Variants in YAF2 observed in about 807,000 individuals in gnomAD.
YAF2 encodes YY1-associated factor 2.
A neutral mutation model predicts 20.1 loss-of-function variants in YAF2; 7 were observed. The ratio of observed to expected loss-of-function variants is 0.35; its 90% confidence interval spans 0.20 to 0.65. The LOEUF is 0.65. YAF2 is among the 30% of genes least tolerant of loss of function. The probability of loss-of-function intolerance (pLI) is 0.69; values close to 1 mark genes in which losing one functional copy is unlikely to be tolerated. For synonymous variants in YAF2, 74 were observed against 76.0 expected (o/e 0.97, Z 0.14); for missense variants, 151 against 219.2 (o/e 0.69, Z 1.96).
chr12:42,220,840 C>T (rs760968325), intron 2 of YAF2, among the ~76,000 whole-genome samples: 2 of 152,170 alleles, frequency 1.3e-5, no homozygotes, highest in African/African-American at 2.4e-5. Context: ...TCCAGTCATT[C>T]ACACATTCAC....
At chr12:42,222,883 T>C (rs1048806208) in intron 2 of YAF2, among the ~76,000 whole-genome samples, 1 of 152,076 alleles carries the variant, frequency 6.6e-6, no homozygotes, top group Admixed American at 6.6e-5. Context: ...CTGTAAGTAG[T>C]GGCCATTACT....
intron 2 of YAF2, among the ~76,000 whole-genome samples, chr12:42,165,051 T>C (rs527618500): frequency 1.2e-4 from 18 of 146,936 alleles, no homozygotes; most frequent in African/African-American, 3.8e-4. Context: ...TGAGACCCTG[T>C]CTTCTGGAAC....
chr12:42,179,697 T>C (rs780717643), intron 2 of YAF2, among the ~76,000 whole-genome samples: 14 of 150,006 alleles, frequency 9.3e-5, no homozygotes, highest in Non-Finnish European at 2.1e-4. Context: ...GGTGGGAGAA[T>C]TGCTTGAGCC....
Position 42,187,541 on chromosome 12 carries a change from T to G in YAF2, c.153-25776A>C, listed in dbSNP as rs75774725. Reference sequence around the variant, plus strand: ...TTTGTGTTCCAAGAATACTAAAGATTGAGATACAATGGCATAACGTTTAAG... The same window carrying G: ...TTTGTGTTCCAAGAATACTAAAGATGGAGATACAATGGCATAACGTTTAAG... On this transcript the variant is annotated intron_variant, in intron 2 of 3. Transcript: ENST00000534854. Among the ~76,000 whole-genome samples the G allele has an allele frequency of 8.0e-3, 1,221 of 152,250 alleles. 7 individuals carry two copies. The highest frequency in any genetic ancestry group is 0.013 in the Non-Finnish European group (916 of 67,994).
rs2065779985 is a variant in YAF2, at chr12:42,160,687, T to C, written c.445A>G (p.Ser149Gly). The change falls in exon 4 of 4, where the codon AGT (serine) becomes GGT (glycine). Residue 149 changes from serine (S) to glycine (G), a missense_variant. Physicochemically the swap from Ser to Gly is moderately conservative, Grantham distance 56. This residue lies in a region of YAF2 where 51 missense variants were observed against 48.9 expected (regional missense o/e 1.04). Coordinates refer to ENST00000534854, the MANE Select transcript of YAF2 (RefSeq NM_005748.6). Reference sequence around the variant, plus strand: ...TTATCAGAGCTAGAGCCGCTTTGACTGTGTTGATCTGCAGAAGCAGCACTA... The same window carrying C: ...TTATCAGAGCTAGAGCCGCTTTGACCGTGTTGATCTGCAGAAGCAGCACTA... ...ASSAASADQH[S>G]QSGSSSDNTE... 6.2e-7 allele frequency: 1 copy of C among 1,613,870 alleles called. No homozygotes were observed. The highest frequency in any genetic ancestry group is 8.5e-7 in the Non-Finnish European group (1 of 1,179,906).
At chr12:42,228,623 C>G (rs1477015273) in intron 2 of YAF2, among the ~76,000 whole-genome samples, 1 of 104,774 alleles carries the variant, frequency 9.5e-6, no homozygotes, top group African/African-American at 4.7e-5. Context: ...TGTCAGCCCC[C>G]CGCCCGGCCA....
In YAF2 at chr12:42,158,470, G is replaced by C. The variant is rs1351077209; in HGVS notation, c.*2119C>G. On this transcript the variant is annotated 3_prime_UTR_variant, in exon 4 of 4. Coordinates refer to ENST00000534854, the MANE Select transcript of YAF2 (RefSeq NM_005748.6). ...TTTACTGAGTGACCAGTATGTGTCA[G>C]ATAATTAAGAATTTTACACGGATTG... is the stretch of plus-strand genomic sequence containing the variant. 6.6e-6 allele frequency: 1 copy of C among 152,184 alleles called. No individual in the cohort carries two copies. The highest frequency in any genetic ancestry group is 1.5e-5 in the Non-Finnish European group (1 of 68,024). 9.4% of individuals were successfully genotyped at this position (152,184 alleles called of 1,614,324 possible). A position where few individuals can be genotyped will look rare whatever the true frequency, so the allele number is the denominator to read the frequency against.
intron 2 of YAF2, among the ~76,000 whole-genome samples, chr12:42,165,384 G>T (rs955592203): frequency 1.3e-5 from 2 of 152,188 alleles, no homozygotes; most frequent in Non-Finnish European, 2.9e-5. Flanking sequence ...CTTTAAAAGA[G>T]AGTAAACCCA....
In YAF2 at chr12:42,202,412, C is replaced by T. The variant is rs553263279; in HGVS notation, c.152+35187G>A. On this transcript the variant is annotated intron_variant, in intron 2 of 3. Transcript: ENST00000534854. Reference sequence around the variant, plus strand: ...TGCTCCAGGAGGCTCCCTCACGATCCTTACCAATCAGTACCATGCTTCCAA... The same window carrying T: ...TGCTCCAGGAGGCTCCCTCACGATCTTTACCAATCAGTACCATGCTTCCAA... Among the ~76,000 whole-genome samples the T allele has an allele frequency of 1.3e-3, 202 of 152,292 alleles. 4 individuals are homozygous for T. The South Asian group carries it at 0.041, about 31-fold the overall frequency.
chr12:42,192,090 G>T (rs1410151783), intron 2 of YAF2, among the ~76,000 whole-genome samples: 5 of 151,392 alleles, frequency 3.3e-5, no homozygotes, highest in African/African-American at 4.9e-5. Context: ...TACAAAAAGT[G>T]TTATAGAAAC....
rs1592009379 is a variant in YAF2, at chr12:42,210,309, T to C, written c.152+27290A>G. ...CAAACTCCTTCTCAAGGGACAAAATTTGGGGGGAAAAAAAATCTCAGGTTT... is the reference window on the plus strand; with the variant it reads ...CAAACTCCTTCTCAAGGGACAAAATCTGGGGGGAAAAAAAATCTCAGGTTT... On this transcript the variant is annotated intron_variant, in intron 2 of 3. Transcript: ENST00000534854. 4 of 1,345,840 alleles carry C rather than the reference T, an allele frequency of 3.0e-6. No homozygotes were observed. In the East Asian group the frequency reaches 1.1e-4, roughly 36 times the overall value. The allele number at this position is 1,345,840 out of a possible 1,614,324, so 83.4% of individuals were successfully genotyped here.
At chr12:42,212,245 T>G (rs1424314790) in intron 2 of YAF2, among the ~76,000 whole-genome samples, 1 of 152,098 alleles carries the variant, frequency 6.6e-6, no homozygotes, top group Non-Finnish European at 1.5e-5. Flanking sequence ...AAAAAATCTC[T>G]CCAAAAGAAA....
chr12:42,199,508 C>G (rs1402276523), intron 2 of YAF2: 2 of 199,258 alleles, frequency 1.0e-5, no homozygotes, highest in Non-Finnish European at 2.1e-5. Context: ...ATCCACACAC[C>G]TTTCTCACTA....
chr12:42,160,806 T>C lies in YAF2; in HGVS notation c.326A>G (p.Asp109Gly). The C allele has an allele frequency of 6.2e-7, 1 of 1,611,038 alleles. No individual in the cohort carries two copies. Among genetic ancestry groups the C allele is most frequent in the Non-Finnish European group, 8.5e-7 (1 of 1,178,908 alleles). The change falls in exon 4 of 4, where the codon GAT (aspartate) becomes GGT (glycine). Residue 109 changes from aspartate to glycine, a missense_variant. Around this residue, in one of 3 missense-constraint regions of YAF2, gnomAD observed 50 missense variants for 112.0 expected, o/e 0.45. Transcript: ENST00000534854. ...KKTRPRLKNV[D>G]RSSAQHLEVT... is the part of the protein sequence containing the mutation. ...TTCCAAATGCTGAGCACTACTCCGA[T>C]CCACATTTTTCAATCTTGGCCTAAA... is the stretch of plus-strand genomic sequence containing the variant.
chr12:42,229,251 A>G (rs1051348165), intron 2 of YAF2, among the ~76,000 whole-genome samples: 4 of 118,742 alleles, frequency 3.4e-5, no homozygotes, highest in African/African-American at 1.3e-4. Flanking sequence ...CCTAATCTCA[A>G]GTAATCAGGG....
At chr12:42,207,678 G>A (rs1017048245) in intron 2 of YAF2, among the ~76,000 whole-genome samples, 1 of 151,292 alleles carries the variant, frequency 6.6e-6, no homozygotes, top group Non-Finnish European at 1.5e-5. Context: ...AGATCACAAG[G>A]TCAGGCGATC....
Position 42,227,798 on chromosome 12 carries a change from G to A in YAF2, c.152+9801C>T, listed in dbSNP as rs1244243763. On this transcript the variant is annotated intron_variant, in intron 2 of 3. Coordinates refer to ENST00000534854, the MANE Select transcript of YAF2 (RefSeq NM_005748.6). ...AGCGTGCTGTCCGGGAGGGAGGTGG[G>A]GGGGTCAGCCCCCCGCCTGGCCAGC... 4.9e-4 allele frequency among the ~76,000 whole-genome samples: 73 copies of A among 149,076 alleles called. 2 individuals are homozygous for A. The highest frequency in any genetic ancestry group is 1.7e-3 in the African/African-American group (67 of 40,436).
chr12:42,186,813 G>A (rs1455838202), intron 2 of YAF2, among the ~76,000 whole-genome samples: 1 of 152,240 alleles, frequency 6.6e-6, no homozygotes, highest in Non-Finnish European at 1.5e-5. Flanking sequence ...GAGGGACAAA[G>A]CTCATCAAGG....
intron 2 of YAF2, among the ~76,000 whole-genome samples, chr12:42,196,703 C>T (rs1337140463): frequency 6.6e-6 from 1 of 152,158 alleles, no homozygotes; most frequent in Non-Finnish European, 1.5e-5. Flanking sequence ...CAAAGTGTTG[C>T]TACATCTTTC....
Sources: gnomAD v4.1 joint callset for allele counts (sites outside exome capture counted in the v4.1 genomes callset) on GRCh38, gnomAD v4.1.1 for gene constraint, gnomAD v4.1.1 regional missense constraint, MANE v1.5 for transcripts, NCBI Gene and HGNC (gene_info 2026-07-23, HGNC 2026-07-21) for gene names.